The following HECW2 variants were observed in gnomAD, a reference collection of about 807,000 sequenced individuals.
HECW2 encodes HECT, C2 and WW domain containing E3 ubiquitin protein ligase 2.
Under a neutral mutation model 175.2 loss-of-function variants are expected in HECW2, and 61 were observed. That is an observed-to-expected ratio of 0.35 (90% confidence interval 0.28 to 0.43). The LOEUF (loss-of-function observed/expected upper bound fraction) is 0.43, where lower values mean the gene tolerates loss of function less well. Among genes scored for constraint, HECW2 ranks in the 20% least tolerant of loss-of-function variants. The probability of loss-of-function intolerance (pLI) is 1.00; values close to 1 mark genes in which losing one functional copy is unlikely to be tolerated. For missense variants in HECW2, 1,524 were observed against 2,000.5 expected (o/e 0.76, Z 4.54); for synonymous variants, 671 against 731.0 (o/e 0.92, Z 1.32).
chr2:196,517,133 C>T lies in HECW2; in HGVS notation c.-36+76375G>A, dbSNP rs191162035. Among the ~76,000 whole-genome samples, 7 of 152,284 alleles carry T rather than the reference C, an allele frequency of 4.6e-5. No homozygotes were observed. The East Asian group carries it at 1.4e-3, about 29-fold the overall frequency. ...ACTACAGTGACTCTTGGGCTTCCCA[C>T]CGCTCATTCATACAAGGAGGCACTC... On this transcript the variant is annotated intron_variant, in intron 1 of 28. Coordinates refer to ENST00000644978, the MANE Select transcript of HECW2 (RefSeq NM_001348768.2).
intron 28 of HECW2, among the ~76,000 whole-genome samples, chr2:196,210,357 C>T (rs368677626): frequency 6.6e-6 from 1 of 151,840 alleles, no homozygotes; most frequent in East Asian, 1.9e-4. Context: ...CAGAGCTTAT[C>T]TTAGTAATTG....
At chr2:196,506,283 T>C (rs1316146848) in intron 1 of HECW2, among the ~76,000 whole-genome samples, 1 of 152,222 alleles carries the variant, frequency 6.6e-6, no homozygotes, top group East Asian at 1.9e-4. Context: ...AGAAAATTTC[T>C]GAATGTTTAT....
intron 14 of HECW2, among the ~76,000 whole-genome samples, chr2:196,286,387 C>CATATATATATATATATATATATATAT (rs201658582): frequency 0.021 from 2,883 of 136,764 alleles, 102 homozygotes; most frequent in Non-Finnish European, 0.031. Flanking sequence ...AGATGGAGGT[C>CATATATATATATATATATATATATAT]ATATATATAT....
chr2:196,384,091 C>A (rs1694282362), intron 2 of HECW2, among the ~76,000 whole-genome samples: 2 of 152,070 alleles, frequency 1.3e-5, no homozygotes, highest in South Asian at 4.1e-4. Context: ...TGTGTAAAAC[C>A]AAAAAGAAAT....
chr2:196,276,033 T>C (rs1435428094), intron 15 of HECW2, among the ~76,000 whole-genome samples: 1 of 152,240 alleles, frequency 6.6e-6, no homozygotes, highest in Non-Finnish European at 1.5e-5. Context: ...AAGTACAGAT[T>C]GTTAGTCAGA....
At chr2:196,254,450 C>T (rs1285516917) in intron 18 of HECW2, among the ~76,000 whole-genome samples, 2 of 152,188 alleles carry the variant, frequency 1.3e-5, no homozygotes, top group East Asian at 1.9e-4. Flanking sequence ...CTTCGAAGGG[C>T]TTAGGATTTA....
intron 14 of HECW2, among the ~76,000 whole-genome samples, chr2:196,287,472 A>G (rs1433493285): frequency 2.0e-5 from 3 of 152,334 alleles, no homozygotes; most frequent in Non-Finnish European, 4.4e-5. Flanking sequence ...CCCTGGGTTA[A>G]TATTGTTTGA....
intron 1 of HECW2, among the ~76,000 whole-genome samples, chr2:196,549,601 T>A (rs1297574976): frequency 6.6e-6 from 1 of 152,094 alleles, no homozygotes; most frequent in East Asian, 1.9e-4. Flanking sequence ...GCTCTTTTTT[T>A]TTTTTTTAAC....
rs78200063 is a variant in HECW2 at position 196,261,621 on chromosome 2, C to T, written c.3336-3715G>A. The stretch of plus-strand genomic sequence containing the variant: ...GAAAGGTGCAAATGTGTCTTTCCAC[C>T]AATAATGGTCTCAACATTGGTGATT... On this transcript the variant is annotated intron_variant, in intron 17 of 28. Coordinates refer to ENST00000644978, the MANE Select transcript of HECW2 (RefSeq NM_001348768.2). Among the ~76,000 whole-genome samples, 1,411 of 152,222 alleles carry T rather than the reference C, an allele frequency of 9.3e-3. 23 individuals carry two copies. The highest frequency in any genetic ancestry group is 0.031 in the African/African-American group (1,301 of 41,524).
At chr2:196,434,126 C>T (rs1331488897) in intron 1 of HECW2, among the ~76,000 whole-genome samples, 1 of 152,170 alleles carries the variant, frequency 6.6e-6, no homozygotes, top group African/African-American at 2.4e-5. Context: ...CTTCCCCTGA[C>T]AAGAATGTAA....
At chr2:196,515,456 A>G (rs1218704269) in intron 1 of HECW2, among the ~76,000 whole-genome samples, 1 of 152,228 alleles carries the variant, frequency 6.6e-6, no homozygotes, top group Non-Finnish European at 1.5e-5. Context: ...ACACCCTGAC[A>G]TCTAAACTCA....
In HECW2 at chr2:196,233,831, C is replaced by T. The variant is rs373564733; in HGVS notation, c.3765-5577G>A. ...AGAAATTAATGACCAAGCTCAGGGC[C>T]TCAAACAGCTTCTAGTGAGGATCTG... On this transcript the variant is annotated intron_variant, in intron 21 of 28. Transcript: ENST00000644978. Among the ~76,000 whole-genome samples, 20 of 152,284 alleles carry T rather than the reference C, an allele frequency of 1.3e-4. No homozygotes were observed. The East Asian group carries it at 2.7e-3, about 21-fold the overall frequency.
intron 1 of HECW2, among the ~76,000 whole-genome samples, chr2:196,505,883 T>G (rs914090794): frequency 1.3e-5 from 2 of 152,128 alleles, no homozygotes; most frequent in Non-Finnish European, 2.9e-5. Flanking sequence ...CCCCCAACTG[T>G]GGAGTTTTCC....
intron 2 of HECW2, among the ~76,000 whole-genome samples, chr2:196,423,684 T>TTGTGTGTGTGTGGGTGTGTG (rs1695465261): frequency 7.1e-6 from 1 of 139,946 alleles, no homozygotes; most frequent in African/African-American, 2.7e-5. Flanking sequence ...TAGTATTCCA[T>TTGTGTGTGTGTGGGTGTGTG]TGTGTGTGTG....
In HECW2 at chr2:196,257,849, G is replaced by A. The variant is rs771586801; in HGVS notation, c.3393C>T (p.Ser1131=). The change falls in exon 18 of 29, where the codon AGC becomes AGT. Residue 1131 remains serine, a synonymous_variant. Transcript: ENST00000644978. ...EGTPGLVRLS[S]DADLVMLLSL... ...TCAGCAACATAACAAGGTCTGCATC[G>A]CTTGAAAGGCGCACCAATCCTGGAG... The A allele has an allele frequency of 1.2e-4, 195 of 1,613,770 alleles. No individual in the cohort carries two copies. Among genetic ancestry groups the A allele is most frequent in the Non-Finnish European group, 1.5e-4 (182 of 1,179,820 alleles).
intron 1 of HECW2, among the ~76,000 whole-genome samples, chr2:196,538,698 T>A (rs1406785773): frequency 6.6e-6 from 1 of 152,228 alleles, no homozygotes; most frequent in Non-Finnish European, 1.5e-5. Flanking sequence ...AACAGTCTCA[T>A]GAGCTAACAT....
At chr2:196,426,590 T>A (rs1178730702) in intron 2 of HECW2, among the ~76,000 whole-genome samples, 1 of 152,042 alleles carries the variant, frequency 6.6e-6, no homozygotes, top group Non-Finnish European at 1.5e-5. Context: ...ATTAGATAGT[T>A]TAAAGGAAAA....
At chr2:196,493,025 T>C (rs1687257361) in intron 1 of HECW2, among the ~76,000 whole-genome samples, 1 of 152,162 alleles carries the variant, frequency 6.6e-6, no homozygotes. Context: ...CTGAAATATG[T>C]ACATTCAGGA....
chr2:196,224,112 G>C (rs1289188354), intron 23 of HECW2, among the ~76,000 whole-genome samples: 2 of 152,118 alleles, frequency 1.3e-5, no homozygotes, highest in Non-Finnish European at 2.9e-5. Flanking sequence ...GTAGAGATGG[G>C]GAAGAGTAGA....
Sources: allele counts gnomAD v4.1 joint callset (sites outside exome capture counted in the v4.1 genomes callset), GRCh38; gene constraint gnomAD v4.1.1; transcripts MANE v1.5; gene names NCBI Gene and HGNC (gene_info 2026-07-23, HGNC 2026-07-21).